TMEM196: variants seen among roughly 807,000 people sequenced by gnomAD.
TMEM196 encodes the protein transmembrane protein 196.
TMEM196 carries 17 observed loss-of-function variants against 20.0 expected under a neutral mutation model. The observed-to-expected ratio is 0.85, with a 90% CI of 0.58 to 1.27. The LOEUF is 1.27. TMEM196 is among the 50% of genes most tolerant of loss of function. TMEM196 has a pLI of 0.00. For synonymous variants in TMEM196, 113 were observed against 88.9 expected (o/e 1.27, Z -1.52); for missense variants, 267 against 223.0 (o/e 1.20, Z -1.26).
At chr7:19,769,358 C>A (rs986060836) in intron 1 of TMEM196, among the ~76,000 whole-genome samples, 1 of 151,988 alleles carries the variant, frequency 6.6e-6, no homozygotes, top group Non-Finnish European at 1.5e-5. Flanking sequence ...GAAAGTAATT[C>A]TGTCACCTCA....
intron 1 of TMEM196, among the ~76,000 whole-genome samples, chr7:19,736,038 T>A (rs965923344): frequency 6.6e-6 from 1 of 151,964 alleles, no homozygotes; most frequent in Non-Finnish European, 1.5e-5. Flanking sequence ...TTAGAAAGAA[T>A]CTAGTTCTGG....
At chr7:19,737,812 T>C (rs920054450) in intron 1 of TMEM196, among the ~76,000 whole-genome samples, 4 of 151,952 alleles carry the variant, frequency 2.6e-5, no homozygotes, top group Non-Finnish European at 5.9e-5. Flanking sequence ...AATAAAACTA[T>C]TCTGTATGAT....
In TMEM196 at chr7:19,729,424, G is replaced by C. The variant is rs772421758; in HGVS notation, c.162C>G (p.Gly54=). 3 of 1,550,222 alleles carry C rather than the reference G, an allele frequency of 1.9e-6. No individual in the cohort carries two copies. Among genetic ancestry groups the C allele is most frequent in the Non-Finnish European group, 2.6e-6 (3 of 1,146,602 alleles). ...LGDSSPFLLC[G]ICGILCAKKK... ...TTTTGGCACACAATATTCCACAAATGCCACAAAGAAGAAACTGAAAAGGAA... is the reference window on the plus strand; with the variant it reads ...TTTTGGCACACAATATTCCACAAATCCCACAAAGAAGAAACTGAAAAGGAA... The change falls in exon 2 of 5, where the codon GGC becomes GGG. Residue 54 remains glycine, a synonymous_variant. Coordinates refer to ENST00000405844, the MANE Select transcript of TMEM196 (RefSeq NM_001363562.2).
intron 1 of TMEM196, among the ~76,000 whole-genome samples, chr7:19,731,717 T>C (rs993974855): frequency 6.6e-6 from 1 of 152,218 alleles, no homozygotes; most frequent in African/African-American, 2.4e-5. Context: ...ACCATTTGGT[T>C]AGAACATCTA....
chr7:19,740,044 T>C (rs995598596), intron 1 of TMEM196, among the ~76,000 whole-genome samples: 1 of 152,200 alleles, frequency 6.6e-6, no homozygotes, highest in Admixed American at 6.6e-5. Flanking sequence ...GCTGCAAGTG[T>C]ACAAACTGAT....
intron 1 of TMEM196, among the ~76,000 whole-genome samples, chr7:19,758,743 C>A (rs7790076): frequency 0.2 from 30,149 of 152,084 alleles, 3,120 homozygotes; most frequent in East Asian, 0.28. Flanking sequence ...CCTTCTTTAC[C>A]CTCAGCTATT....
At chr7:19,770,159 A>T (rs1444209650) in intron 1 of TMEM196, among the ~76,000 whole-genome samples, 2 of 152,186 alleles carry the variant, frequency 1.3e-5, no homozygotes, top group Non-Finnish European at 2.9e-5. Context: ...TGGATATTTC[A>T]TTGACCATCC....
chr7:19,762,868 A>G (rs189790511), intron 1 of TMEM196, among the ~76,000 whole-genome samples: 2 of 152,328 alleles, frequency 1.3e-5, no homozygotes, highest in East Asian at 1.9e-4. Flanking sequence ...AACACAACAG[A>G]TGAATGTTCA....
At chr7:19,747,574 AT>A (rs925537043) in intron 1 of TMEM196, among the ~76,000 whole-genome samples, 1 of 151,902 alleles carries the variant, frequency 6.6e-6, no homozygotes, top group Non-Finnish European at 1.5e-5. Flanking sequence ...CCTCAGATAC[AT>A]TTTTTTCATG....
At chr7:19,738,378 T>C (rs1236341077) in intron 1 of TMEM196, among the ~76,000 whole-genome samples, 2 of 152,076 alleles carry the variant, frequency 1.3e-5, no homozygotes, top group African/African-American at 4.8e-5. Context: ...TGGTTACATA[T>C]ATAACTATTT....
intron 1 of TMEM196, among the ~76,000 whole-genome samples, chr7:19,749,582 G>A (rs1190917497): frequency 6.6e-6 from 1 of 152,002 alleles, no homozygotes; most frequent in Non-Finnish European, 1.5e-5. Flanking sequence ...TGATGTTATG[G>A]GATACATATA....
At chr7:19,762,680 A>G (rs1331405635) in intron 1 of TMEM196, among the ~76,000 whole-genome samples, 1 of 152,186 alleles carries the variant, frequency 6.6e-6, no homozygotes, top group Non-Finnish European at 1.5e-5. Context: ...AACATGTGGA[A>G]ACTATAATAG....
chr7:19,751,132 T>C (rs17141889), intron 1 of TMEM196, among the ~76,000 whole-genome samples: 34,884 of 152,120 alleles, frequency 0.23, 4,600 homozygotes, highest in East Asian at 0.53. Flanking sequence ...AGAAGAAATA[T>C]AAATGTTGGA....
At chr7:19,759,996 G>C (rs1278585345) in intron 1 of TMEM196, among the ~76,000 whole-genome samples, 1 of 152,054 alleles carries the variant, frequency 6.6e-6, no homozygotes, top group African/African-American at 2.4e-5. Context: ...CTGCTCAAAA[G>C]TTTTCCATAG....
At chr7:19,770,953 G>T (rs1378791701) in intron 1 of TMEM196, among the ~76,000 whole-genome samples, 2 of 151,892 alleles carry the variant, frequency 1.3e-5, no homozygotes, top group East Asian at 1.9e-4. Context: ...AATTTCGTTG[G>T]GGGCGGGGAT....
intron 1 of TMEM196, among the ~76,000 whole-genome samples, chr7:19,760,308 G>A (rs1041319102): frequency 2.9e-4 from 35 of 121,644 alleles, no homozygotes; most frequent in African/African-American, 1.0e-3. Context: ...TTTTCCCACT[G>A]TTAAGAAAGT....
chr7:19,729,274 T>G, intron 2 of TMEM196, 108 bp downstream of exon 2: 3 of 667,350 alleles, frequency 4.5e-6, no homozygotes, highest in Non-Finnish European at 4.2e-6. Flanking sequence ...TTTTTTTGCC[T>G]CAAACTAGCA....
chr7:19,749,464 G>A (rs147809460), intron 1 of TMEM196, among the ~76,000 whole-genome samples: 9 of 152,096 alleles, frequency 5.9e-5, no homozygotes, highest in African/African-American at 9.7e-5. Context: ...TGCTTTGTGC[G>A]CATGTCACAA....
chr7:19,734,914 G>C (rs538291876), intron 1 of TMEM196, among the ~76,000 whole-genome samples: 28 of 152,220 alleles, frequency 1.8e-4, no homozygotes, highest in African/African-American at 6.7e-4. Flanking sequence ...AATAGGGAAA[G>C]CTATCAGACA....
Sources: gnomAD v4.1 joint callset for allele counts (sites outside exome capture counted in the v4.1 genomes callset) on GRCh38, gnomAD v4.1.1 for gene constraint, MANE v1.5 for transcripts, NCBI Gene and HGNC (gene_info 2026-07-23, HGNC 2026-07-21) for gene names.